The following JAK2 variants were observed in gnomAD, a reference collection of about 807,000 sequenced individuals.
JAK2 encodes tyrosine-protein kinase JAK2.
JAK2 carries 86 observed loss-of-function variants against 139.3 expected under a neutral mutation model. The observed-to-expected ratio is 0.62, with a 90% CI of 0.52 to 0.74. The LOEUF (loss-of-function observed/expected upper bound fraction) is 0.74, where lower values mean the gene tolerates loss of function less well. JAK2 is among the 30% of genes least tolerant of loss of function. JAK2 has a pLI of 0.00. For synonymous variants in JAK2, 490 were observed against 437.7 expected, an observed-to-expected ratio of 1.12 and a Z score of -1.49; for missense variants, 1,421 against 1,360.3, an observed-to-expected ratio of 1.04 and a Z score of -0.70.
chr9:5,038,651 C>T (rs539742526), intron 4 of JAK2, among the ~76,000 whole-genome samples: 2 of 149,450 alleles, frequency 1.3e-5, no homozygotes, highest in Admixed American at 6.7e-5. Flanking sequence ...GCTGGTTGAA[C>T]ATACCTAATA....
chr9:5,080,464 C>G, intron 17 of JAK2, 69 bp from the exon 18 acceptor site: 1 of 1,534,968 alleles, frequency 6.5e-7, no homozygotes, highest in Non-Finnish European at 8.8e-7. Context: ...TTTAGCCCAT[C>G]TAATTTTAAA....
intron 22 of JAK2, among the ~76,000 whole-genome samples, chr9:5,121,930 T>A (rs1473130517): frequency 6.6e-6 from 1 of 152,186 alleles, no homozygotes; most frequent in East Asian, 1.9e-4. Flanking sequence ...TCAAGAACTT[T>A]GCATTCCCCT....
chr9:5,081,595 C>A (rs1819704019), intron 18 of JAK2, 130 bp from the exon 19 acceptor site: 1 of 624,296 alleles, frequency 1.6e-6, no homozygotes, highest in Admixed American at 2.9e-5. Context: ...ATAATTGAAA[C>A]TATTTGAGTT....
intron 2 of JAK2, among the ~76,000 whole-genome samples, chr9:5,011,205 A>T (rs1432744977): frequency 6.6e-6 from 1 of 151,598 alleles, no homozygotes. Flanking sequence ...CCTCTGTTCC[A>T]CTTATATGTA....
In JAK2 at chr9:5,057,118, T is replaced by C. The variant is rs553291349; in HGVS notation, c.1056+1330T>C. ...TATTTCTCCTTGTATACAAGTATTA[T>C]TTTATGTTTTTCAGTAATTCTTGAT... On this transcript the variant is annotated intron_variant, in intron 8 of 24. Transcript: ENST00000381652. 2.0e-5 allele frequency among the ~76,000 whole-genome samples: 3 copies of C among 152,260 alleles called. No individual in the cohort carries two copies. The East Asian group carries it at 5.8e-4, about 29-fold the overall frequency.
rs2130555703 is a variant in JAK2, at chr9:5,073,707, G to C, written c.1786G>C (p.Glu596Gln). 6.2e-7 allele frequency: 1 copy of C among 1,609,066 alleles called. No individual in the cohort carries two copies. Among genetic ancestry groups the C allele is most frequent in the Non-Finnish European group, 8.5e-7 (1 of 1,177,040 alleles). Residue 596 changes from glutamate (E) to glutamine (Q), a missense_variant, in exon 14 of 25, where the codon GAA becomes CAA. Glu to Gln is a conservative substitution (Grantham distance 29). Transcript: ENST00000381652. ...AHRNYSESFF[E>Q]AASMMSKLSH... ...TTTTTTTTTTCCTTAGTCTTTCTTT[G>C]AAGCAGCAAGTATGATGAGCAAGCT...
At position 5,055,669 on chromosome 9, in the gene JAK2, G is replaced by T; in HGVS notation, c.937G>T (p.Asp313Tyr). 6.4e-7 allele frequency: 1 copy of T among 1,562,060 alleles called. No homozygotes were observed. The highest frequency in any genetic ancestry group is 8.8e-7 in the Non-Finnish European group (1 of 1,138,340). The change falls in exon 8 of 25, where the codon GAT becomes TAT. Residue 313 changes from aspartate to tyrosine, a missense_variant and splice_region_variant. By Grantham distance (160) the Asp-to-Tyr change is radical. Transcript: ENST00000381652. ...HKESETLTEQ[D>Y]LQLYCDFPNI... ...TAATTTTACATGCTTTTAATTATAG[G>T]ATTTACAGTTATATTGCGATTTTCC...
In JAK2 at chr9:5,128,031, A is replaced by G. The variant is rs1358747497; in HGVS notation, c.*1240A>G. 1 of 231,842 alleles carries G rather than the reference A, an allele frequency of 4.3e-6. No individual in the cohort carries two copies. Among genetic ancestry groups the G allele is most frequent in the Non-Finnish European group, 8.5e-6 (1 of 117,334 alleles). 14.4% of individuals were successfully genotyped at this position (231,842 alleles called of 1,614,324 possible). A position where few individuals can be genotyped will look rare whatever the true frequency, so the allele number is the denominator to read the frequency against. On this transcript the variant is annotated 3_prime_UTR_variant, in exon 25 of 25. Coordinates refer to ENST00000381652, the MANE Select transcript of JAK2 (RefSeq NM_004972.4). ...GTTGTTCGTTGTTGTCATTTGTTAT[A>G]GTGCTACTCCACTTTAGACACCATA...
chr9:5,016,498 C>A (rs1822069479), intron 2 of JAK2, among the ~76,000 whole-genome samples: 1 of 152,020 alleles, frequency 6.6e-6, no homozygotes. Flanking sequence ...GAAAAATAGT[C>A]AACAAAATTA....
intron 2 of JAK2, among the ~76,000 whole-genome samples, chr9:5,009,742 C>G (rs903749233): frequency 6.6e-6 from 1 of 151,826 alleles, no homozygotes; most frequent in Non-Finnish European, 1.5e-5. Context: ...CTTATAGATG[C>G]CTTCCTCTGT....
chr9:5,092,361 A>C (rs1032208742), intron 22 of JAK2, among the ~76,000 whole-genome samples: 1 of 152,148 alleles, frequency 6.6e-6, no homozygotes, highest in African/African-American at 2.4e-5. Flanking sequence ...AATAGAGGAG[A>C]TAAGTCGTAA....
chr9:5,086,927 A>AC (rs199819458), intron 19 of JAK2, among the ~76,000 whole-genome samples: 38 of 151,550 alleles, frequency 2.5e-4, no homozygotes, highest in South Asian at 8.4e-4. Context: ...CAATTATATC[A>AC]CCCCCCCTTC....
rs72701621 is a variant in JAK2, at chr9:5,089,045, G to C, written c.2572-629G>C. ...AGGAAAATTCTTCCTGGAAGTTAGT[G>C]ACAAAAGTTTAGGAATCCTCAGCAT... On this transcript the variant is annotated intron_variant, in intron 19 of 24. Transcript: ENST00000381652. 7.5e-3 allele frequency among the ~76,000 whole-genome samples: 1,149 copies of C among 152,296 alleles called. 1 individual carries two copies. Among genetic ancestry groups the C allele is most frequent in the Non-Finnish European group, 0.013 (902 of 68,026 alleles).
At position 5,128,542 on chromosome 9, in the gene JAK2, A is replaced by G. The variant is rs1451252414; in HGVS notation, c.*1751A>G. 6.6e-6 allele frequency among the ~76,000 whole-genome samples: 1 copy of G among 151,914 alleles called. No individual in the cohort carries two copies. The highest frequency in any genetic ancestry group is 1.5e-5 in the Non-Finnish European group (1 of 67,784). On this transcript the variant is annotated 3_prime_UTR_variant, in exon 25 of 25. Transcript: ENST00000381652. The stretch of plus-strand genomic sequence containing the variant: ...AAAACTTAACTACATACTTAAAAGT[A>G]GGTTCTTATCAAGGGTCTCTAACAT...
intron 22 of JAK2, chr9:5,096,846 C>A (rs1224891022): frequency 6.6e-6 from 1 of 152,102 alleles, no homozygotes; most frequent in Non-Finnish European, 1.5e-5. Context: ...TGTTACCGCC[C>A]ACGAATTTGT....
intron 22 of JAK2, chr9:5,098,485 A>G (rs1821198874): frequency 6.6e-6 from 1 of 152,104 alleles, no homozygotes; most frequent in Non-Finnish European, 1.5e-5. Context: ...CTCACAACAA[A>G]ATTAACTCAT....
intron 19 of JAK2, 91 bp from the exon 20 acceptor site, chr9:5,089,583 A>AG: frequency 2.7e-6 from 1 of 376,608 alleles, no homozygotes; most frequent in Non-Finnish European, 4.6e-6. Context: ...TGCTAATTCC[A>AG]GCTACTAGAA....
chr9:5,125,139 C>T (rs893408526), intron 23 of JAK2, among the ~76,000 whole-genome samples: 1 of 151,114 alleles, frequency 6.6e-6, no homozygotes, highest in Non-Finnish European at 1.5e-5. Context: ...AATGCAATTA[C>T]TCAGAGAAGA....
intron 6 of JAK2, among the ~76,000 whole-genome samples, chr9:5,052,263 G>A (rs1817466764): frequency 6.6e-6 from 1 of 152,068 alleles, no homozygotes; most frequent in African/African-American, 2.4e-5. Flanking sequence ...CTTCCAGTTT[G>A]AGAATCATGT....
Sources: allele counts gnomAD v4.1 joint callset (sites outside exome capture counted in the v4.1 genomes callset), GRCh38; gene constraint gnomAD v4.1.1; transcripts MANE v1.5; gene names NCBI Gene and HGNC (gene_info 2026-07-23, HGNC 2026-07-21).